ZNF197: variants seen among roughly 807,000 people sequenced by gnomAD.
ZNF197 encodes VHL-associated KRAB-A domain-containing protein.
A neutral mutation model predicts 27.4 loss-of-function variants in ZNF197; 14 were observed. The observed-to-expected ratio is 0.51, with a 90% CI of 0.34 to 0.80. ZNF197 has a LOEUF of 0.80. ZNF197 is among the 30% of genes least tolerant of loss of function. The pLI is 0.02. For missense variants in ZNF197, 1,090 were observed against 1,222.6 expected, an observed-to-expected ratio of 0.89 and a Z score of 1.62; for synonymous variants, 415 against 420.0, an observed-to-expected ratio of 0.99 and a Z score of 0.15.
In ZNF197 at chr3:44,640,350, T is replaced by C. The variant is rs528964518; in HGVS notation, c.770-1550T>C. 1.3e-5 allele frequency among the ~76,000 whole-genome samples: 2 copies of C among 152,304 alleles called. No individual in the cohort carries two copies. The highest frequency in any genetic ancestry group is 4.1e-4 in the South Asian group (2 of 4,826). On this transcript the variant is annotated intron_variant, in intron 5 of 5. Transcript: ENST00000344387. The surrounding 1 kb of genome is among the most constrained non-coding windows in gnomAD (Gnocchi z 4.0). ...TATATAGAAGCAGCCCTCCTCTCCATCAGCATTCTCTTTGTTTTTTGTTTG... is the reference window on the plus strand; with the variant it reads ...TATATAGAAGCAGCCCTCCTCTCCACCAGCATTCTCTTTGTTTTTTGTTTG...
chr3:44,627,964 C>G (rs1453758152), intron 1 of ZNF197, among the ~76,000 whole-genome samples: 4 of 152,046 alleles, frequency 2.6e-5, no homozygotes, highest in Non-Finnish European at 4.4e-5. Context: ...TAAGCAAGCT[C>G]TCTTTAAGGG....
In ZNF197 at chr3:44,645,634, T is replaced by A; in HGVS notation, c.*1414T>A. 2.0e-6 allele frequency: 2 copies of A among 985,416 alleles called. No homozygotes were observed. The highest frequency in any genetic ancestry group is 2.4e-6 in the Non-Finnish European group (2 of 829,918). The allele number at this position is 985,416 out of a possible 1,614,324, so 61.0% of individuals were successfully genotyped here. Reference sequence around the variant, plus strand: ...CCCTATTCAGAGGGAAAAAAATCCTTGACCCGCAGTTGAGCTGATGATCCC... The same window carrying A: ...CCCTATTCAGAGGGAAAAAAATCCTAGACCCGCAGTTGAGCTGATGATCCC... On this transcript the variant is annotated 3_prime_UTR_variant, in exon 6 of 6. Coordinates refer to ENST00000344387, the MANE Select transcript of ZNF197 (RefSeq NM_006991.5).
In ZNF197 at chr3:44,634,199, A is replaced by T. The variant is rs77580951; in HGVS notation, c.769+1600A>T. On this transcript the variant is annotated intron_variant, in intron 5 of 5. Transcript: ENST00000344387. Reference sequence around the variant, plus strand: ...TCTTTTGTTTGTTTTTCATGTTTTCATTATTAGTGTGATTGAAATCTCTTC... The same window carrying T: ...TCTTTTGTTTGTTTTTCATGTTTTCTTTATTAGTGTGATTGAAATCTCTTC... Among the ~76,000 whole-genome samples, 106 of 152,262 alleles carry T rather than the reference A, an allele frequency of 7.0e-4. No individual in the cohort carries two copies. In the East Asian group the frequency reaches 0.014, roughly 20 times the overall value.
At chr3:44,641,071 T>C (rs1335799712) in intron 5 of ZNF197, among the ~76,000 whole-genome samples, 2 of 152,234 alleles carry the variant, frequency 1.3e-5, no homozygotes, top group African/African-American at 4.8e-5. Context: ...ATAATTTCTC[T>C]CACACTTGGG....
Position 44,642,540 on chromosome 3 carries a change from T to C in ZNF197, c.1410T>C (p.Ile470=). Residue 470 remains isoleucine (I), a synonymous_variant, in exon 6 of 6, where the codon ATT becomes ATC. Transcript: ENST00000344387. ...GKGFYRHSGL[I]IHLRRHSGER... Reference sequence around the variant, plus strand: ...GCTTCTATAGGCACTCAGGCCTAATTATACATCTAAGGCGCCATTCAGGGG... The same window carrying C: ...GCTTCTATAGGCACTCAGGCCTAATCATACATCTAAGGCGCCATTCAGGGG... 6.2e-7 allele frequency: 1 copy of C among 1,614,002 alleles called. No individual in the cohort carries two copies. Among genetic ancestry groups the C allele is most frequent in the Non-Finnish European group, 8.5e-7 (1 of 1,179,976 alleles).
In ZNF197 at chr3:44,643,348, G is replaced by A; in HGVS notation, c.2218G>A (p.Gly740Arg). Residue 740 changes from glycine (G) to arginine (R), a missense_variant, in exon 6 of 6, where the codon GGG becomes AGG. Coordinates refer to ENST00000344387, the MANE Select transcript of ZNF197 (RefSeq NM_006991.5). ...GAAAGCCTACAAATGTGAGGATTGT[G>A]GGAAGGCTTTCAGTTACAATTCAAG... is the stretch of plus-strand genomic sequence containing the variant. ...QEKAYKCEDC[G>R]KAFSYNSSLL... The A allele has an allele frequency of 6.2e-7, 1 of 1,614,070 alleles. No individual in the cohort carries two copies. Among genetic ancestry groups the A allele is most frequent in the Non-Finnish European group, 8.5e-7 (1 of 1,179,980 alleles).
intron 5 of ZNF197, among the ~76,000 whole-genome samples, chr3:44,637,151 T>C (rs1702340625): frequency 1.3e-5 from 2 of 152,178 alleles, no homozygotes; most frequent in Admixed American, 1.3e-4. Flanking sequence ...TCCCATTCTG[T>C]GGGGTCTTGC....
At chr3:44,625,904 G>A (rs966595086) in intron 1 of ZNF197, among the ~76,000 whole-genome samples, 1 of 152,178 alleles carries the variant, frequency 6.6e-6, no homozygotes, top group African/African-American at 2.4e-5. Flanking sequence ...AGTTTGGGTT[G>A]TTTGGGTTTC....
At chr3:44,637,154 G>A (rs1052839248) in intron 5 of ZNF197, among the ~76,000 whole-genome samples, 1 of 151,994 alleles carries the variant, frequency 6.6e-6, no homozygotes, top group Non-Finnish European at 1.5e-5. Context: ...CATTCTGTGG[G>A]GTCTTGCCCT....
intron 5 of ZNF197, among the ~76,000 whole-genome samples, chr3:44,635,685 C>T (rs914669295): frequency 1.3e-5 from 2 of 152,180 alleles, no homozygotes; most frequent in African/African-American, 4.8e-5. Context: ...TTGAGTACCT[C>T]CCCTGTCAGG....
chr3:44,641,801 A>G, intron 5 of ZNF197, 99 bp from the exon 6 acceptor site: 1 of 1,368,962 alleles, frequency 7.3e-7, no homozygotes, highest in South Asian at 1.6e-5. Context: ...TATGCATATT[A>G]AAGTGTGCCT....
In ZNF197 at chr3:44,632,278, G is replaced by A. The variant is rs901921366; in HGVS notation, c.642+82G>A. The A allele has an allele frequency of 5.2e-6, 8 of 1,545,742 alleles. No individual in the cohort carries two copies. The African/African-American group carries it at 1.1e-4, about 21-fold the overall frequency. On this transcript the variant is annotated intron_variant, in intron 4 of 5. Coordinates refer to ENST00000344387, the MANE Select transcript of ZNF197 (RefSeq NM_006991.5). ...CCCTCTCTCATCCTTGTGCTTCAAT[G>A]TCCAGTCAGTTCCCATTTCTAAATC...
rs767726708 is a variant in ZNF197, at chr3:44,643,902, C to G, written c.2772C>G (p.His924Gln). ...NKNLVVHQRM[H>Q]TGEKPYECDK... The stretch of plus-strand genomic sequence containing the variant: ...ACCTTGTTGTACATCAGAGAATGCA[C>G]ACTGGGGAAAAACCTTATGAGTGTG... Residue 924 changes from histidine to glutamine, a missense_variant, in exon 6 of 6, where the codon CAC (histidine) becomes CAG (glutamine). By Grantham distance (24) the His-to-Gln change is conservative. Transcript: ENST00000344387. 1 of 1,613,876 alleles carries G rather than the reference C, an allele frequency of 6.2e-7. No individual in the cohort carries two copies. The highest frequency in any genetic ancestry group is 8.5e-7 in the Non-Finnish European group (1 of 1,179,962).
chr3:44,637,316 C>CAA (rs1438136440), intron 5 of ZNF197, among the ~76,000 whole-genome samples: 1 of 151,978 alleles, frequency 6.6e-6, no homozygotes, highest in Non-Finnish European at 1.5e-5. Flanking sequence ...TTTGTAGAGA[C>CAA]AGAGTCTTAC....
At position 44,644,249 on chromosome 3, in the gene ZNF197, T is replaced by C; in HGVS notation, c.*29T>C. ...CATATGTAAAATGGAATAGAATCCC[T>C]GCCTACTTAAGTAACTGTTGGACAA... On this transcript the variant is annotated 3_prime_UTR_variant, in exon 6 of 6. Transcript: ENST00000344387. 6.5e-7 allele frequency: 1 copy of C among 1,548,164 alleles called. No individual in the cohort carries two copies. The highest frequency in any genetic ancestry group is 1.3e-5 in the South Asian group (1 of 78,934).
rs1702675822 is a variant in ZNF197, at chr3:44,642,560, C to T, written c.1430C>T (p.Ser477Leu). The T allele has an allele frequency of 6.2e-7, 1 of 1,614,026 alleles. No homozygotes were observed. Residue 477 changes from serine (S) to leucine (L), a missense_variant, in exon 6 of 6, where the codon TCA becomes TTA. Physicochemically the swap from Ser to Leu is moderately radical, Grantham distance 145. Coordinates refer to ENST00000344387, the MANE Select transcript of ZNF197 (RefSeq NM_006991.5). ...CTAATTATACATCTAAGGCGCCATT[C>T]AGGGGAGAGACCTTATAAGTGTAAT... ...SGLIIHLRRH[S>L]GERPYKCNEC...
rs2125823943 is a variant in ZNF197 at position 44,642,958 on chromosome 3, A to G, written c.1828A>G (p.Ile610Val). The change falls in exon 6 of 6, where the codon ATT (isoleucine) becomes GTT (valine). Residue 610 changes from isoleucine to valine, a missense_variant. Transcript: ENST00000344387. ...GATTTTCAGTTCTAAGTCAAACTTCATTGACCATAAGAGGATGCACAGCAG... is the reference window on the plus strand; with the variant it reads ...GATTTTCAGTTCTAAGTCAAACTTCGTTGACCATAAGAGGATGCACAGCAG... ...GKIFSSKSNF[I>V]DHKRMHSREK... 2.5e-6 allele frequency: 4 copies of G among 1,613,994 alleles called. No individual in the cohort carries two copies. Among genetic ancestry groups the G allele is most frequent in the Non-Finnish European group, 3.4e-6 (4 of 1,179,974 alleles).
intron 5 of ZNF197, among the ~76,000 whole-genome samples, chr3:44,633,661 G>A (rs1702126873): frequency 6.6e-6 from 1 of 152,172 alleles, no homozygotes; most frequent in South Asian, 2.1e-4. Flanking sequence ...GTATTGCATG[G>A]TCTGTGTATC....
In ZNF197 at chr3:44,632,469, T is replaced by G; in HGVS notation, c.643-4T>G. On this transcript the variant is annotated splice_polypyrimidine_tract_variant and splice_region_variant and intron_variant, in intron 4 of 5. Transcript: ENST00000344387. ...GGTAATCTCACACACACTTGTTATTTCAGGAGTTGGTGATGTTCGAGGAGG... is the reference window on the plus strand; with the variant it reads ...GGTAATCTCACACACACTTGTTATTGCAGGAGTTGGTGATGTTCGAGGAGG... 6.3e-7 allele frequency: 1 copy of G among 1,582,342 alleles called. No homozygotes were observed. The highest frequency in any genetic ancestry group is 8.6e-7 in the Non-Finnish European group (1 of 1,168,226).
Sources: allele counts gnomAD v4.1 joint callset (sites outside exome capture counted in the v4.1 genomes callset), GRCh38; gene constraint gnomAD v4.1.1; non-coding constraint Gnocchi (gnomAD v3.1); transcripts MANE v1.5; gene names NCBI Gene and HGNC (gene_info 2026-07-23, HGNC 2026-07-21).